The following BSN variants were observed in gnomAD, a reference collection of about 807,000 sequenced individuals.
The protein encoded by BSN is protein bassoon.
A neutral mutation model predicts 264.8 loss-of-function variants in BSN; 57 were observed. The ratio of observed to expected loss-of-function variants is 0.22; its 90% confidence interval spans 0.17 to 0.27. BSN has a LOEUF of 0.27. Among genes scored for constraint, BSN ranks in the 10% least tolerant of loss-of-function variants. The pLI is 1.00. For missense variants in BSN, 4,615 were observed against 5,232.5 expected (o/e 0.88, Z 3.64); for synonymous variants, 2,059 against 2,137.3 (o/e 0.96, Z 1.01).
In BSN at chr3:49,652,656, C is replaced by T. The variant is rs1465833066; in HGVS notation, c.3100C>T (p.Leu1034=). 1 of 1,606,176 alleles carries T rather than the reference C, an allele frequency of 6.2e-7. No individual in the cohort carries two copies. The highest frequency in any genetic ancestry group is 8.5e-7 in the Non-Finnish European group (1 of 1,176,286). The change falls in exon 5 of 12, where the codon CTA becomes TTA. Residue 1034 remains leucine, a synonymous_variant. Transcript: ENST00000296452. Reference sequence around the variant, plus strand: ...CCGGCACCGCTCCCACGGGCCCCTGCTACCCACCATCGAGGACTCCTCAGA... The same window carrying T: ...CCGGCACCGCTCCCACGGGCCCCTGTTACCCACCATCGAGGACTCCTCAGA... ...KARHRSHGPL[L]PTIEDSSEEE...
chr3:49,653,106 G>T lies in BSN; in HGVS notation c.3550G>T (p.Ala1184Ser). ...CAGTTCCGGACGGCCGCTCAAGAGC[G>T]CTGAGGAGGCTTATGAGGAGATGAT... is the stretch of plus-strand genomic sequence containing the variant. ...TPSSGRPLKS[A>S]EEAYEEMMRK... The change falls in exon 5 of 12, where the codon GCT becomes TCT. Residue 1184 changes from alanine to serine, a missense_variant. Ala to Ser is a moderately conservative substitution (Grantham distance 99). This residue lies in a region of BSN where 3,415 missense variants were observed against 3,866.4 expected (regional missense o/e 0.88). Transcript: ENST00000296452. The surrounding 1 kb of genome is among the most constrained non-coding windows in gnomAD (Gnocchi z 6.3). The T allele has an allele frequency of 6.2e-7, 1 of 1,613,500 alleles. No homozygotes were observed. The highest frequency in any genetic ancestry group is 2.2e-5 in the East Asian group (1 of 44,868).
In BSN at chr3:49,661,734, G is replaced by T; in HGVS notation, c.9889G>T (p.Asp3297Tyr). Residue 3297 changes from aspartate to tyrosine, a missense_variant, in exon 6 of 12, where the codon GAT becomes TAT. Around this residue, in one of 3 missense-constraint regions of BSN, gnomAD observed 3,415 missense variants for 3,866.4 expected, o/e 0.88. Coordinates refer to ENST00000296452, the MANE Select transcript of BSN (RefSeq NM_003458.4). The stretch of plus-strand genomic sequence containing the variant: ...AGAGGAATCTGAGGAGGACTCATAC[G>T]ATCCCCGCGGGAAGGGTGGCCACCT... ...GEEESEEDSY[D>Y]PRGKGGHLRS... 6.2e-7 allele frequency: 1 copy of T among 1,613,504 alleles called. No homozygotes were observed. The highest frequency in any genetic ancestry group is 1.1e-5 in the South Asian group (1 of 91,084).
chr3:49,619,756 C>T (rs1368203609), intron 1 of BSN, among the ~76,000 whole-genome samples: 1 of 152,186 alleles, frequency 6.6e-6, no homozygotes, highest in Non-Finnish European at 1.5e-5. Context: ...GAAGTTCTCT[C>T]CTGCATGAAG....
intron 1 of BSN, among the ~76,000 whole-genome samples, chr3:49,567,835 T>G (rs1274947873): frequency 1.3e-5 from 2 of 152,220 alleles, no homozygotes; most frequent in Non-Finnish European, 2.9e-5. Flanking sequence ...GTCTGGAGTT[T>G]CAGCTGGAAG....
At chr3:49,605,597 A>T (rs1438565090) in intron 1 of BSN, among the ~76,000 whole-genome samples, 1 of 18,530 alleles carries the variant, frequency 5.4e-5, no homozygotes, top group Non-Finnish European at 8.8e-5. Context: ...TTTATATATA[A>T]TATATATTAT....
intron 1 of BSN, among the ~76,000 whole-genome samples, chr3:49,577,541 T>TC (rs2051855118): frequency 1.4e-5 from 1 of 71,114 alleles, no homozygotes; most frequent in African/African-American, 3.7e-5. Context: ...TTCTTTTCTT[T>TC]CTTTTTTTTT....
intron 1 of BSN, among the ~76,000 whole-genome samples, chr3:49,575,211 G>A (rs750605555): frequency 2.0e-5 from 3 of 151,588 alleles, no homozygotes; most frequent in Non-Finnish European, 2.9e-5. Context: ...AAAATTAGCC[G>A]GGCGTGGTGG....
Position 49,656,361 on chromosome 3 carries a change from A to G in BSN, c.6805A>G (p.Ile2269Val), listed in dbSNP as rs775709012. The G allele has an allele frequency of 2.5e-6, 4 of 1,603,514 alleles. No homozygotes were observed. The highest frequency in any genetic ancestry group is 1.3e-5 in the African/African-American group (1 of 74,698). Residue 2269 changes from isoleucine (I) to valine (V), a missense_variant, in exon 5 of 12, where the codon ATT becomes GTT. Ile to Val is a conservative substitution (Grantham distance 29). Coordinates refer to ENST00000296452, the MANE Select transcript of BSN (RefSeq NM_003458.4). ...YRYPAPSRFP[I>V]ASSVPPAEGP... ...CTATCCTGCACCAAGTAGATTTCCCATTGCTTCCAGTGTTCCACCTGCAGA... is the reference window on the plus strand; with the variant it reads ...CTATCCTGCACCAAGTAGATTTCCCGTTGCTTCCAGTGTTCCACCTGCAGA...
chr3:49,572,833 A>G (rs911202953), intron 1 of BSN, among the ~76,000 whole-genome samples: 2 of 152,144 alleles, frequency 1.3e-5, no homozygotes, highest in African/African-American at 4.8e-5. Context: ...GCGCCCAGCC[A>G]CCTTGCATTT....
At chr3:49,616,059 A>G (rs2052257390) in intron 1 of BSN, among the ~76,000 whole-genome samples, 1 of 152,214 alleles carries the variant, frequency 6.6e-6, no homozygotes, top group African/African-American at 2.4e-5. Context: ...ATATGCATTT[A>G]TATAATTGGT....
chr3:49,661,502 C>T lies in BSN; in HGVS notation c.9657C>T (p.His3219=). 6.2e-7 allele frequency: 1 copy of T among 1,614,130 alleles called. No homozygotes were observed. Among genetic ancestry groups the T allele is most frequent in the Non-Finnish European group, 8.5e-7 (1 of 1,180,040 alleles). Residue 3219 remains histidine, a synonymous_variant, in exon 6 of 12, where the codon CAC becomes CAT. Coordinates refer to ENST00000296452, the MANE Select transcript of BSN (RefSeq NM_003458.4). Reference sequence around the variant, plus strand: ...CCCCCACCTACCCCTCTGACTCACACTATACCAGTCTGGAGCAGAACGTTC... The same window carrying T: ...CCCCCACCTACCCCTCTGACTCACATTATACCAGTCTGGAGCAGAACGTTC... ...SPAPTYPSDS[H]YTSLEQNVPR...
Position 49,652,986 on chromosome 3 carries a change from A to C in BSN, c.3430A>C (p.Ser1144Arg). The change falls in exon 5 of 12, where the codon AGC becomes CGC. Residue 1144 changes from serine (S) to arginine (R), a missense_variant. Ser to Arg is a moderately radical substitution (Grantham distance 110, BLOSUM62 -1). This residue lies in a region of BSN where 3,415 missense variants were observed against 3,866.4 expected (regional missense o/e 0.88). Transcript: ENST00000296452. ...GGCTGAGGCCTTGGATGGTGGCCCT[A>C]GCCGGCTTTACAAGTCAGGCAGTGA... ...SEAEALDGGP[S>R]RLYKSGSEYN... 6.2e-7 allele frequency: 1 copy of C among 1,613,180 alleles called. No individual in the cohort carries two copies. Among genetic ancestry groups the C allele is most frequent in the Non-Finnish European group, 8.5e-7 (1 of 1,179,720 alleles).
intron 1 of BSN, among the ~76,000 whole-genome samples, chr3:49,613,303 C>A (rs866855033): frequency 0.012 from 572 of 47,088 alleles, 1 homozygote; most frequent in East Asian, 0.03. Context: ...ACACACAGAG[C>A]GAGAGAGAGA....
chr3:49,624,968 AT>A lies in BSN; in HGVS notation c.225-4del. The stretch of plus-strand genomic sequence containing the variant: ...ATCTCTAACAGTCATTTTCAATGTC[AT>A]TTCAGCACTTCCCGGAGACTGGACC... On this transcript the variant is annotated splice_region_variant and splice_polypyrimidine_tract_variant and intron_variant, in intron 1 of 11. Transcript: ENST00000296452. The A allele has an allele frequency of 6.7e-7, 1 of 1,501,352 alleles. No individual in the cohort carries two copies. The allele number at this position is 1,501,352 out of a possible 1,614,324, so 93.0% of individuals were successfully genotyped here.
Position 49,661,429 on chromosome 3 carries a change from C to T in BSN, c.9584C>T (p.Pro3195Leu), listed in dbSNP as rs562539516. The T allele has an allele frequency of 1.2e-6, 2 of 1,614,014 alleles. No individual in the cohort carries two copies. Among genetic ancestry groups the T allele is most frequent in the East Asian group, 2.2e-5 (1 of 44,880 alleles). Residue 3195 changes from proline to leucine, a missense_variant, in exon 6 of 12, where the codon CCT becomes CTT. Around this residue, in one of 3 missense-constraint regions of BSN, gnomAD observed 3,415 missense variants for 3,866.4 expected, o/e 0.88. Transcript: ENST00000296452. ...VSSGYEQGKV[P>L]EVPRAGDRGS... is the part of the protein sequence containing the mutation. ...AGCGGCTATGAGCAGGGCAAGGTCC[C>T]TGAGGTGCCCCGGGCTGGTGACCGT...
intron 1 of BSN, among the ~76,000 whole-genome samples, chr3:49,577,243 G>A (rs1043411805): frequency 6.6e-6 from 1 of 152,158 alleles, no homozygotes; most frequent in Non-Finnish European, 1.5e-5. Flanking sequence ...TTTACCCCAG[G>A]AATATGAATT....
chr3:49,579,993 GT>G (rs1177020030), intron 1 of BSN, among the ~76,000 whole-genome samples: 1 of 152,084 alleles, frequency 6.6e-6, no homozygotes, highest in Non-Finnish European at 1.5e-5. Context: ...CACCGGATTT[GT>G]TTTGCTAGTA....
In BSN at chr3:49,637,243, T is replaced by TG. The variant is rs529271960; in HGVS notation, c.634-5018dup. Among the ~76,000 whole-genome samples the TG allele has an allele frequency of 5.4e-3, 816 of 152,012 alleles. 1 individual carries two copies. Among genetic ancestry groups the TG allele is most frequent in the Non-Finnish European group, 8.4e-3 (569 of 67,932 alleles). On this transcript the variant is annotated intron_variant, in intron 2 of 11. Coordinates refer to ENST00000296452, the MANE Select transcript of BSN (RefSeq NM_003458.4). ...CTGCAACCTTCCTTTTCCTTGCTGC[T>TG]GGGGGGGTGAGAGGAGGCGAGTGGG...
chr3:49,632,949 G>T (rs2052392693), intron 2 of BSN, among the ~76,000 whole-genome samples: 1 of 152,070 alleles, frequency 6.6e-6, no homozygotes, highest in Non-Finnish European at 1.5e-5. Context: ...AACAAAATGG[G>T]CAAAGGACTT....
Sources: gnomAD v4.1 joint callset for allele counts (sites outside exome capture counted in the v4.1 genomes callset) on GRCh38, gnomAD v4.1.1 for gene constraint, gnomAD v4.1.1 regional missense constraint, Gnocchi (gnomAD v3.1) non-coding constraint, MANE v1.5 for transcripts, NCBI Gene and HGNC (gene_info 2026-07-23, HGNC 2026-07-21) for gene names.